The following SYT14 variants were observed in gnomAD, a reference collection of about 807,000 sequenced individuals.
The protein encoded by SYT14 is synaptotagmin 14, also known as synaptotagmin-14.
In SYT14, 32 loss-of-function variants were observed where a neutral mutation model predicts 74.2. The ratio of observed to expected loss-of-function variants is 0.43; its 90% CI spans 0.33 to 0.58. SYT14 has a LOEUF of 0.58. Among genes scored for constraint, SYT14 ranks in the 20% least tolerant of loss-of-function variants. SYT14 has a pLI of 0.05. For synonymous variants in SYT14, 298 were observed against 337.7 expected (o/e 0.88, Z 1.29); for missense variants, 791 against 981.8 (o/e 0.81, Z 2.60).
intron 7 of SYT14, among the ~76,000 whole-genome samples, chr1:210,109,713 T>C (rs1201528189): frequency 6.6e-6 from 1 of 152,172 alleles, no homozygotes; most frequent in Non-Finnish European, 1.5e-5. Context: ...AGTGTGATGA[T>C]TCCTCAAGGA....
At chr1:209,984,232 A>T (rs144982945) in intron 2 of SYT14, among the ~76,000 whole-genome samples, 1 of 152,316 alleles carries the variant, frequency 6.6e-6, no homozygotes, top group African/African-American at 2.4e-5. Flanking sequence ...GTCCAGGTAT[A>T]TGAGCTGATG....
chr1:210,121,874 C>G (rs549678799), intron 7 of SYT14, among the ~76,000 whole-genome samples: 23 of 151,638 alleles, frequency 1.5e-4, no homozygotes, highest in African/African-American at 5.1e-4. Flanking sequence ...TAAATAAATG[C>G]ACTTTTATTA....
chr1:209,963,019 C>T (rs1421524646), intron 2 of SYT14, among the ~76,000 whole-genome samples: 1 of 152,068 alleles, frequency 6.6e-6, no homozygotes, highest in East Asian at 1.9e-4. Flanking sequence ...TTTCCTAACC[C>T]TTCTGCATTA....
intron 6 of SYT14, among the ~76,000 whole-genome samples, chr1:210,096,477 TG>T (rs1242293061): frequency 6.6e-6 from 1 of 152,132 alleles, no homozygotes; most frequent in Admixed American, 6.6e-5. Flanking sequence ...TTAACACACC[TG>T]GGGATAAGCT....
At chr1:209,938,362 C>T in intron 1 of SYT14, 85 bp downstream of exon 1, 1 of 1,399,102 alleles carries the variant, frequency 7.1e-7, no homozygotes, top group Non-Finnish European at 9.7e-7. Context: ...GGCCGAGGCG[C>T]TGACGGGGCC....
intron 7 of SYT14, among the ~76,000 whole-genome samples, chr1:210,131,551 A>G (rs2082674683): frequency 6.6e-6 from 1 of 151,528 alleles, no homozygotes; most frequent in African/African-American, 2.4e-5. Flanking sequence ...TTATTTATAT[A>G]TATATGTATA....
chr1:210,131,824 C>T (rs2082680334), intron 7 of SYT14, among the ~76,000 whole-genome samples: 1 of 152,136 alleles, frequency 6.6e-6, no homozygotes, highest in Admixed American at 6.5e-5. Context: ...CATATTCATT[C>T]CCAAACTCAG....
At chr1:210,052,665 CAAA>C (rs561069342) in intron 5 of SYT14, among the ~76,000 whole-genome samples, 446 of 42,256 alleles carry the variant, frequency 0.011, 14 homozygotes, top group African/African-American at 0.036. Context: ...TACATCTCAC[CAAA>C]AAAAAAAAAA....
At chr1:210,015,817 A>T in exon 4 of SYT14, 1 of 1,122,028 alleles carries the variant, frequency 8.9e-7, no homozygotes, top group South Asian at 4.6e-5. Flanking sequence ...AAGAATCTTT[A>T]CTTCAACATA....
intron 7 of SYT14, among the ~76,000 whole-genome samples, chr1:210,107,931 A>G (rs1326816999): frequency 1.3e-5 from 2 of 151,972 alleles, no homozygotes; most frequent in Admixed American, 6.6e-5. Context: ...ATCATTTGTC[A>G]GTTAAAAAAT....
exon 6 of SYT14, chr1:210,094,405 C>G: frequency 6.2e-7 from 1 of 1,613,972 alleles, no homozygotes; most frequent in Non-Finnish European, 8.5e-7. Context: ...TGGTTCTCCC[C>G]ATCTGTCATG....
chr1:210,109,589 A>G (rs932239213), intron 7 of SYT14, among the ~76,000 whole-genome samples: 8 of 151,062 alleles, frequency 5.3e-5, no homozygotes, highest in Non-Finnish European at 1.2e-4. Context: ...AAAAAAAAAA[A>G]AGAGAGAAAA....
chr1:210,144,785 T>C (rs1368451315), intron 7 of SYT14, among the ~76,000 whole-genome samples: 1 of 152,070 alleles, frequency 6.6e-6, no homozygotes, highest in Non-Finnish European at 1.5e-5. Flanking sequence ...ACAAATTCAT[T>C]AAAGGGAACA....
At chr1:209,965,831 G>C (rs1270710388) in intron 2 of SYT14, 1 of 421,076 alleles carries the variant, frequency 2.4e-6, no homozygotes, top group South Asian at 1.8e-5. Context: ...TTATCCTTTT[G>C]TATCAAATCA....
chr1:210,130,626 A>T (rs545124403), intron 7 of SYT14, among the ~76,000 whole-genome samples: 1 of 152,322 alleles, frequency 6.6e-6, no homozygotes, highest in Non-Finnish European at 1.5e-5. Context: ...ACTGTCCTGA[A>T]CTTCACAGTG....
intron 7 of SYT14, among the ~76,000 whole-genome samples, chr1:210,111,767 T>C (rs1261886014): frequency 6.6e-6 from 1 of 151,162 alleles, no homozygotes; most frequent in Admixed American, 6.6e-5. Flanking sequence ...AAAACAGATA[T>C]TAAAGGACTA....
chr1:209,938,921 A>C (rs1278152057), intron 1 of SYT14, among the ~76,000 whole-genome samples: 3 of 152,152 alleles, frequency 2.0e-5, no homozygotes, highest in Non-Finnish European at 4.4e-5. Flanking sequence ...TTTCTCCATG[A>C]AAAGAAGTAA....
At chr1:209,981,929 T>A (rs1216835706) in intron 2 of SYT14, among the ~76,000 whole-genome samples, 1 of 152,112 alleles carries the variant, frequency 6.6e-6, no homozygotes, top group Non-Finnish European at 1.5e-5. Context: ...CCTTGGACAG[T>A]CTGGTGACTA....
At chr1:210,042,994 GTT>G (rs755863096) in intron 5 of SYT14, among the ~76,000 whole-genome samples, 4 of 152,164 alleles carry the variant, frequency 2.6e-5, no homozygotes, top group Non-Finnish European at 4.4e-5. Context: ...AGCATGGAAT[GTT>G]TTTCCATTTG....
Sources: allele counts gnomAD v4.1 joint callset (sites outside exome capture counted in the v4.1 genomes callset), GRCh38; gene constraint gnomAD v4.1.1; transcripts MANE v1.5; gene names NCBI Gene and HGNC (gene_info 2026-07-23, HGNC 2026-07-21).